RABGAP1L: variants seen among roughly 807,000 people sequenced by gnomAD.
The protein encoded by RABGAP1L is rab GTPase-activating protein 1-like.
In RABGAP1L, 63 loss-of-function variants were observed where a neutral mutation model predicts 137.7. That is an observed-to-expected ratio of 0.46 (90% CI 0.37 to 0.56). RABGAP1L has a LOEUF of 0.56. RABGAP1L is among the 20% of genes least tolerant of loss of function. The pLI, the probability that RABGAP1L is intolerant of heterozygous loss-of-function variation, is 0.00. For missense variants in RABGAP1L, 1,095 were observed against 1,244.0 expected, an observed-to-expected ratio of 0.88 and a Z score of 1.80; for synonymous variants, 431 against 433.7, an observed-to-expected ratio of 0.99 and a Z score of 0.08.
chr1:174,380,437 A>G (rs1266145187), intron 12 of RABGAP1L, among the ~76,000 whole-genome samples: 1 of 150,738 alleles, frequency 6.6e-6, no homozygotes, highest in Admixed American at 6.6e-5. Context: ...TTTGGTTGGT[A>G]AACTATTGAT....
At chr1:174,728,594 CTT>C (rs1294397296) in intron 17 of RABGAP1L, among the ~76,000 whole-genome samples, 5 of 114,638 alleles carry the variant, frequency 4.4e-5, no homozygotes, top group African/African-American at 9.9e-5. Flanking sequence ...CTACCAGTGT[CTT>C]TTTTTTTTTT....
At chr1:174,429,648 A>G (rs1328828360) in intron 13 of RABGAP1L, among the ~76,000 whole-genome samples, 1 of 152,076 alleles carries the variant, frequency 6.6e-6, no homozygotes, top group East Asian at 1.9e-4. Context: ...CTGAGGCAGG[A>G]GAATCGCCTC....
intron 11 of RABGAP1L, among the ~76,000 whole-genome samples, chr1:174,344,566 C>T (rs1682276186): frequency 6.6e-6 from 1 of 152,166 alleles, no homozygotes; most frequent in Non-Finnish European, 1.5e-5. Context: ...GATACAGCTG[C>T]ATATTTTCAG....
chr1:174,747,424 A>AC (rs1158119025), intron 17 of RABGAP1L, among the ~76,000 whole-genome samples: 7 of 151,458 alleles, frequency 4.6e-5, no homozygotes, highest in Non-Finnish European at 8.8e-5. Context: ...AAAAAAAAAA[A>AC]AACCTGATAG....
At chr1:174,632,265 T>C (rs1673463958) in intron 13 of RABGAP1L, among the ~76,000 whole-genome samples, 1 of 147,090 alleles carries the variant, frequency 6.8e-6, no homozygotes, top group Non-Finnish European at 1.5e-5. Context: ...AGAGATCCGC[T>C]GTTAGTCTGA....
In RABGAP1L at chr1:174,425,613, C is replaced by T. The variant is rs568611270; in HGVS notation, c.1710+31468C>T. On this transcript the variant is annotated intron_variant, in intron 13 of 25. Transcript: ENST00000681986. ...TTATACTAACAGAGTTTTATAAAAT[C>T]GGATAAGTAAAACAAAACAGAAACA... 3.3e-5 allele frequency among the ~76,000 whole-genome samples: 5 copies of T among 152,028 alleles called. No homozygotes were observed. The East Asian group carries it at 5.8e-4, about 18-fold the overall frequency.
At chr1:174,210,311 G>A (rs1668790807) in intron 1 of RABGAP1L, among the ~76,000 whole-genome samples, 1 of 152,178 alleles carries the variant, frequency 6.6e-6, no homozygotes, top group Admixed American at 6.5e-5. Context: ...CAAAATAGCT[G>A]TTTTGAGGCA....
At chr1:174,246,401 A>G (rs977204193) in intron 5 of RABGAP1L, 11 of 152,204 alleles carry the variant, frequency 7.2e-5, no homozygotes, top group Admixed American at 2.0e-4. Flanking sequence ...ACATGTATTG[A>G]AGTGTTTGCC....
At chr1:174,332,383 TA>T in intron 11 of RABGAP1L, among the ~76,000 whole-genome samples, 1 of 79,678 alleles carries the variant, frequency 1.3e-5, no homozygotes, top group Non-Finnish European at 2.5e-5. Flanking sequence ...TCTAAATTTT[TA>T]TTTATTTATT....
chr1:174,837,224 G>A (rs1692854611), intron 19 of RABGAP1L, among the ~76,000 whole-genome samples: 1 of 149,342 alleles, frequency 6.7e-6, no homozygotes, highest in African/African-American at 2.5e-5. Context: ...AAAAAAAAAT[G>A]TTCCTTGTAG....
At chr1:174,536,361 G>GA (rs1287249721) in intron 13 of RABGAP1L, among the ~76,000 whole-genome samples, 6 of 151,878 alleles carry the variant, frequency 4.0e-5, no homozygotes, top group African/African-American at 1.5e-4. Flanking sequence ...AAAAAAGATG[G>GA]AAAAAAGGAA....
chr1:174,305,051 G>A lies in RABGAP1L; in HGVS notation c.1389G>A (p.Glu463=). The change falls in exon 11 of 26, where the codon GAG becomes GAA. Residue 463 remains glutamate, a synonymous_variant. Transcript: ENST00000681986. ...ATGAGGTGGTGAGTCTACAGCGAGAGTCTGACAAGGAGGAACCAGTCACTC... is the reference window on the plus strand; with the variant it reads ...ATGAGGTGGTGAGTCTACAGCGAGAATCTGACAAGGAGGAACCAGTCACTC... ...AIYEVVSLQR[E]SDKEEPVTPT... The A allele has an allele frequency of 6.4e-7, 1 of 1,563,208 alleles. No homozygotes were observed.
chr1:174,790,452 C>T (rs999018189), intron 18 of RABGAP1L, among the ~76,000 whole-genome samples: 11 of 151,830 alleles, frequency 7.2e-5, no homozygotes, highest in African/African-American at 2.2e-4. Flanking sequence ...GGTGAAACCC[C>T]GTCTCTACTA....
intron 19 of RABGAP1L, among the ~76,000 whole-genome samples, chr1:174,860,253 C>T (rs558203908): frequency 1.3e-5 from 2 of 152,024 alleles, no homozygotes; most frequent in African/African-American, 2.4e-5. Context: ...TTACACAACT[C>T]GCAACACAAT....
chr1:174,350,121 C>T (rs1682980140), intron 11 of RABGAP1L, among the ~76,000 whole-genome samples: 2 of 138,312 alleles, frequency 1.4e-5, no homozygotes, highest in Admixed American at 1.4e-4. Context: ...GACGGCACGG[C>T]TGGCCGGGTG....
At chr1:174,732,927 G>A (rs186984373) in intron 17 of RABGAP1L, among the ~76,000 whole-genome samples, 1 of 152,202 alleles carries the variant, frequency 6.6e-6, no homozygotes, top group East Asian at 1.9e-4. Context: ...ATAATTGTCA[G>A]GGCATATAGT....
chr1:174,689,372 G>A (rs1264731156), intron 15 of RABGAP1L, among the ~76,000 whole-genome samples: 1 of 151,418 alleles, frequency 6.6e-6, no homozygotes, highest in Non-Finnish European at 1.5e-5. Flanking sequence ...AGTATTTGTG[G>A]CATTATATTA....
At chr1:174,634,602 T>C (rs1383928543) in intron 13 of RABGAP1L, among the ~76,000 whole-genome samples, 1 of 121,178 alleles carries the variant, frequency 8.3e-6, no homozygotes, top group Non-Finnish European at 1.7e-5. Context: ...ATTGCGGCAT[T>C]ATTCACAATA....
chr1:174,742,862 G>T (rs951173268), intron 17 of RABGAP1L, among the ~76,000 whole-genome samples: 3 of 152,160 alleles, frequency 2.0e-5, no homozygotes, highest in African/African-American at 7.2e-5. Context: ...CTAATGTTCA[G>T]GTCATACCTC....
Sources: gnomAD v4.1 joint callset for allele counts (sites outside exome capture counted in the v4.1 genomes callset) on GRCh38, gnomAD v4.1.1 for gene constraint, MANE v1.5 for transcripts, NCBI Gene and HGNC (gene_info 2026-07-23, HGNC 2026-07-21) for gene names.